ZNF608: variants seen among roughly 807,000 people sequenced by gnomAD.
The protein encoded by ZNF608 is renal carcinoma antigen NY-REN-36.
ZNF608 carries 12 observed loss-of-function variants against 109.0 expected under a neutral mutation model. The ratio of observed to expected loss-of-function variants is 0.11; its 90% confidence interval spans 0.07 to 0.18. The LOEUF (loss-of-function observed/expected upper bound fraction) is 0.18. Ranked by LOEUF, ZNF608 falls within the 10% of genes least tolerant of loss-of-function variation. The pLI is 1.00. For missense variants in ZNF608, 1,707 were observed against 1,879.3 expected (o/e 0.91, Z 1.70); for synonymous variants, 732 against 717.4 (o/e 1.02, Z -0.33).
intron 2 of ZNF608, among the ~76,000 whole-genome samples, chr5:124,713,184 T>C (rs1753569150): frequency 6.6e-6 from 1 of 152,216 alleles, no homozygotes; most frequent in Non-Finnish European, 1.5e-5. Context: ...TATCTTTATG[T>C]TCACTAGTTC....
intron 9 of ZNF608, among the ~76,000 whole-genome samples, chr5:124,638,528 A>G (rs1419071365): frequency 6.6e-6 from 1 of 152,220 alleles, no homozygotes; most frequent in African/African-American, 2.4e-5. Flanking sequence ...AAGTGGTGGG[A>G]CTACAGGCAT....
rs201406473 is a variant in ZNF608, at chr5:124,661,467, C to CCAT, written c.1163-11771_1163-11770insATG. On this transcript the variant is annotated intron_variant, in intron 3 of 9. Coordinates refer to ENST00000513986, the MANE Select transcript of ZNF608 (RefSeq NM_020747.3). ...CTCCCCCATTCCACATTCCAAAGTT[C>CCAT]TTATCTTTCAGGGAAGAAAAAAAAA... 8.5e-3 allele frequency among the ~76,000 whole-genome samples: 1,186 copies of CCAT among 139,056 alleles called. 27 individuals carry two copies. Among genetic ancestry groups the CCAT allele is most frequent in the African/African-American group, 0.03 (1,120 of 37,674 alleles). 91.2% of individuals were successfully genotyped at this position (139,056 alleles called of 152,430 possible).
intron 2 of ZNF608, among the ~76,000 whole-genome samples, chr5:124,721,773 T>C (rs1753914660): frequency 6.6e-6 from 1 of 150,602 alleles, no homozygotes. Flanking sequence ...CCATCTCTAC[T>C]TTAAAAATAC....
chr5:124,696,861 C>A (rs1382874009), intron 3 of ZNF608, among the ~76,000 whole-genome samples: 1 of 152,118 alleles, frequency 6.6e-6, no homozygotes, highest in Non-Finnish European at 1.5e-5. Flanking sequence ...GCTAAGACAT[C>A]AACTCTTTGC....
At chr5:124,733,239 T>TTTC (rs1748989305) in intron 2 of ZNF608, among the ~76,000 whole-genome samples, 1 of 146,952 alleles carries the variant, frequency 6.8e-6, no homozygotes, top group Non-Finnish European at 1.5e-5. Flanking sequence ...TTTTTTTTTT[T>TTTC]TCTGTTTGGC....
intron 7 of ZNF608, among the ~76,000 whole-genome samples, chr5:124,643,221 G>A (rs1750327990): frequency 6.6e-6 from 1 of 151,992 alleles, no homozygotes; most frequent in South Asian, 2.1e-4. Flanking sequence ...ACCAAAAGTT[G>A]GTTCCTATGA....
intron 3 of ZNF608, among the ~76,000 whole-genome samples, chr5:124,669,310 A>G (rs1373016069): frequency 1.3e-5 from 2 of 152,142 alleles, no homozygotes; most frequent in Non-Finnish European, 1.5e-5. Context: ...CAAGGCTTAC[A>G]TAGCCACTCT....
At chr5:124,735,806 A>G (rs1026119289) in intron 2 of ZNF608, among the ~76,000 whole-genome samples, 2 of 152,222 alleles carry the variant, frequency 1.3e-5, no homozygotes, top group Non-Finnish European at 2.9e-5. Flanking sequence ...TTTTAACATC[A>G]TGTTGCTCCC....
Position 124,649,607 on chromosome 5 carries a change from T to A in ZNF608, c.1250+3A>T. The A allele has an allele frequency of 6.2e-7, 1 of 1,610,752 alleles. No individual in the cohort carries two copies. Among genetic ancestry groups the A allele is most frequent in the Non-Finnish European group, 8.5e-7 (1 of 1,178,326 alleles). Reference sequence around the variant, plus strand: ...GGAGAGAAATAAAAGGCCCTGTTCATACCTGGGAGGGGCCCAGTCGTGCTT... The same window carrying A: ...GGAGAGAAATAAAAGGCCCTGTTCAAACCTGGGAGGGGCCCAGTCGTGCTT... On this transcript the variant is annotated splice_donor_region_variant and intron_variant, in intron 4 of 9. Coordinates refer to ENST00000513986, the MANE Select transcript of ZNF608 (RefSeq NM_020747.3).
At chr5:124,689,757 A>G (rs10079692) in intron 3 of ZNF608, among the ~76,000 whole-genome samples, 61,721 of 152,056 alleles carry the variant, frequency 0.41, 13,644 homozygotes, top group East Asian at 0.67. Context: ...ATGAACTCTC[A>G]TTCATTTCTG....
In ZNF608 at chr5:124,647,830, G is replaced by C; in HGVS notation, c.2554C>G (p.His852Asp). ...TTGTTGAGATGATCCTTTAAAAAAT[G>C]CCCAGGTAAATCTTTGCTGGCCCCC... is the stretch of plus-strand genomic sequence containing the variant. ...SKGASKDLPG[H>D]FLKDHLNKNE... Residue 852 changes from histidine to aspartate, a missense_variant, in exon 5 of 10, where the codon CAT becomes GAT. Around this residue, in one of 7 missense-constraint regions of ZNF608, gnomAD observed 1,073 missense variants for 1,133.5 expected, o/e 0.95. Coordinates refer to ENST00000513986, the MANE Select transcript of ZNF608 (RefSeq NM_020747.3). 6.2e-7 allele frequency: 1 copy of C among 1,614,204 alleles called. No individual in the cohort carries two copies. The highest frequency in any genetic ancestry group is 1.1e-5 in the South Asian group (1 of 91,080).
At chr5:124,673,566 C>CT (rs143413927) in intron 3 of ZNF608, among the ~76,000 whole-genome samples, 10 of 151,464 alleles carry the variant, frequency 6.6e-5, no homozygotes, top group East Asian at 5.8e-4. Context: ...AGCTTTTCAT[C>CT]TTTTTTTTTG....
intron 3 of ZNF608, among the ~76,000 whole-genome samples, chr5:124,660,934 A>G (rs1363201728): frequency 4.6e-5 from 7 of 152,062 alleles, no homozygotes; most frequent in Non-Finnish European, 1.0e-4. Context: ...AAACTCAGTT[A>G]TGCGCATCTA....
intron 2 of ZNF608, among the ~76,000 whole-genome samples, chr5:124,711,368 C>T (rs903424709): frequency 6.6e-6 from 1 of 152,192 alleles, no homozygotes; most frequent in Admixed American, 6.5e-5. Context: ...TTGACATGAC[C>T]ATATACTATT....
chr5:124,713,019 G>A (rs1753560351), intron 2 of ZNF608, among the ~76,000 whole-genome samples: 1 of 152,060 alleles, frequency 6.6e-6, no homozygotes, highest in African/African-American at 2.4e-5. Context: ...CAAAAGTAAT[G>A]GGGATCCTAA....
intron 2 of ZNF608, among the ~76,000 whole-genome samples, chr5:124,739,353 C>T (rs1749281768): frequency 6.6e-6 from 1 of 152,176 alleles, no homozygotes; most frequent in African/African-American, 2.4e-5. Flanking sequence ...TATCAACAAT[C>T]CTAGATTACA....
intron 9 of ZNF608, 125 bp downstream of exon 9, chr5:124,639,008 A>G: frequency 1.1e-6 from 1 of 935,082 alleles, no homozygotes; most frequent in Non-Finnish European, 1.6e-6. Context: ...CATAATAAAC[A>G]CATTCATTAC....
intron 2 of ZNF608, among the ~76,000 whole-genome samples, chr5:124,741,592 C>T (rs183225449): frequency 2.3e-4 from 35 of 152,226 alleles, no homozygotes; most frequent in African/African-American, 8.2e-4. Flanking sequence ...CAAAAAACCT[C>T]AGTGTTGAAA....
chr5:124,681,079 A>T (rs543266402), intron 3 of ZNF608, among the ~76,000 whole-genome samples: 184 of 152,340 alleles, frequency 1.2e-3, no homozygotes, highest in African/African-American at 4.1e-3. Context: ...TCCTTTCTAA[A>T]GAAATACATC....
Sources: gnomAD v4.1 joint callset for allele counts (sites outside exome capture counted in the v4.1 genomes callset) on GRCh38, gnomAD v4.1.1 for gene constraint, gnomAD v4.1.1 regional missense constraint, MANE v1.5 for transcripts, NCBI Gene and HGNC (gene_info 2026-07-23, HGNC 2026-07-21) for gene names.